Variants in ANXA5 observed in about 807,000 individuals in gnomAD.
ANXA5 encodes CBP-I.
A neutral mutation model predicts 48.1 loss-of-function variants in ANXA5; 40 were observed. That is an observed-to-expected ratio of 0.83 (90% confidence interval 0.65 to 1.08). The LOEUF is 1.08. Among genes scored for constraint, ANXA5 ranks in the 50% least tolerant of loss-of-function variants. The probability of loss-of-function intolerance (pLI) is 0.00; values close to 1 mark genes in which losing one functional copy is unlikely to be tolerated. For synonymous variants in ANXA5, 113 were observed against 129.1 expected, an observed-to-expected ratio of 0.88 and a Z score of 0.85; for missense variants, 357 against 376.8, an observed-to-expected ratio of 0.95 and a Z score of 0.44.
chr4:121,692,917 T>A (rs1160141633), intron 2 of ANXA5, among the ~76,000 whole-genome samples: 1 of 152,304 alleles, frequency 6.6e-6, no homozygotes, highest in South Asian at 2.1e-4. Context: ...AATGCATGCA[T>A]GGATGAAAAA....
At chr4:121,684,393 C>T (rs1469180513) in intron 4 of ANXA5, among the ~76,000 whole-genome samples, 1 of 152,134 alleles carries the variant, frequency 6.6e-6, no homozygotes, top group African/African-American at 2.4e-5. Flanking sequence ...CATGTGAATG[C>T]TGAGTGGGAA....
At chr4:121,696,450 G>A in intron 2 of ANXA5, 131 bp downstream of exon 2, 1 of 840,220 alleles carries the variant, frequency 1.2e-6, no homozygotes, top group Non-Finnish European at 1.6e-6. Context: ...AAGAAAAGTG[G>A]AAGCGATGTC....
chr4:121,669,655 T>C lies in ANXA5; in HGVS notation c.850A>G (p.Ile284Val). Residue 284 changes from isoleucine (I) to valine (V), a missense_variant, in exon 12 of 13, where the codon ATC becomes GTC. Coordinates refer to ENST00000296511, the MANE Select transcript of ANXA5 (RefSeq NM_001154.4). ...VSRSEIDLFN[I>V]RKEFRKNFAT... ...AAATTCTTCCTAAACTCCTTCCTGA[T>C]GTTAAACAGATCAATCTCACTCCTG... 1.2e-6 allele frequency: 2 copies of C among 1,613,240 alleles called. No individual in the cohort carries two copies. The highest frequency in any genetic ancestry group is 1.3e-5 in the African/African-American group (1 of 74,812).
intron 6 of ANXA5, among the ~76,000 whole-genome samples, chr4:121,679,821 G>T (rs1182695123): frequency 6.6e-6 from 1 of 152,114 alleles, no homozygotes; most frequent in Non-Finnish European, 1.5e-5. Context: ...TGTACGTTGT[G>T]AAATGATTAC....
chr4:121,671,998 C>T (rs2110479436), intron 9 of ANXA5, among the ~76,000 whole-genome samples: 1 of 152,196 alleles, frequency 6.6e-6, no homozygotes, highest in Middle Eastern at 3.4e-3. Context: ...CTAGAGCAGA[C>T]ATCTTATGAT....
chr4:121,668,674 A>C (rs1173055768), intron 12 of ANXA5, 147 bp from the exon 13 acceptor site: 6 of 671,372 alleles, frequency 8.9e-6, no homozygotes, highest in Non-Finnish European at 1.6e-5. Flanking sequence ...AATGTTATGC[A>C]GGGAGTTTCC....
At chr4:121,681,903 A>G (rs1465947199) in intron 5 of ANXA5, 142 bp from the exon 6 acceptor site, 2 of 572,150 alleles carry the variant, frequency 3.5e-6, no homozygotes, top group Admixed American at 3.3e-5. Flanking sequence ...TATGAGTTCT[A>G]TTAGTTATAG....
chr4:121,668,793 C>T (rs1172811479), intron 12 of ANXA5, among the ~76,000 whole-genome samples: 1 of 151,934 alleles, frequency 6.6e-6, no homozygotes, highest in Non-Finnish European at 1.5e-5. Context: ...GTTTCTATCA[C>T]TTGGTATATA....
chr4:121,674,145 C>T (rs1056668469), intron 8 of ANXA5, among the ~76,000 whole-genome samples: 1 of 143,474 alleles, frequency 7.0e-6, no homozygotes, highest in African/African-American at 2.6e-5. Flanking sequence ...CATGGCACTG[C>T]ACTCCAGCCT....
intron 5 of ANXA5, 139 bp from the exon 6 acceptor site, chr4:121,681,900 T>C (rs1399199057): frequency 3.5e-6 from 2 of 574,920 alleles, no homozygotes; most frequent in Non-Finnish European, 6.1e-6. Context: ...GTATATGAGT[T>C]CTATTAGTTA....
At chr4:121,691,649 G>T (rs1560589939) in intron 2 of ANXA5, among the ~76,000 whole-genome samples, 1 of 152,026 alleles carries the variant, frequency 6.6e-6, no homozygotes, top group Non-Finnish European at 1.5e-5. Context: ...TTTAAGGGTG[G>T]TTCTTCTGAG....
At chr4:121,684,498 T>C (rs1242884329) in intron 4 of ANXA5, among the ~76,000 whole-genome samples, 179 bp downstream of exon 4, 1 of 152,196 alleles carries the variant, frequency 6.6e-6, no homozygotes, top group Non-Finnish European at 1.5e-5. Flanking sequence ...GAGGATAAGC[T>C]GGGTGAGCAC....
chr4:121,688,246 C>G (rs1357823838), intron 2 of ANXA5, among the ~76,000 whole-genome samples: 1 of 152,076 alleles, frequency 6.6e-6, no homozygotes, highest in Non-Finnish European at 1.5e-5. Context: ...TATAAGCCAC[C>G]CAGTCTATAG....
chr4:121,677,955 G>A lies in ANXA5; in HGVS notation c.475-5C>T. The A allele has an allele frequency of 1.9e-6, 3 of 1,612,820 alleles. No individual in the cohort carries two copies. The highest frequency in any genetic ancestry group is 2.5e-6 in the Non-Finnish European group (3 of 1,178,956). Reference sequence around the variant, plus strand: ...AGCATCAGGGTCTCTGTTAGCCTATGAGAGGTAATATGTCACATTACTGAA... The same window carrying A: ...AGCATCAGGGTCTCTGTTAGCCTATAAGAGGTAATATGTCACATTACTGAA... On this transcript the variant is annotated splice_polypyrimidine_tract_variant and splice_region_variant and intron_variant, in intron 7 of 12. Transcript: ENST00000296511.
intron 5 of ANXA5, among the ~76,000 whole-genome samples, chr4:121,682,431 A>T (rs538176270): frequency 1.1e-3 from 172 of 152,172 alleles, no homozygotes; most frequent in African/African-American, 4.0e-3. Flanking sequence ...AATTTTTTTT[A>T]AAAGATAGTA....
intron 8 of ANXA5, among the ~76,000 whole-genome samples, chr4:121,676,470 T>C (rs2110481787): frequency 6.6e-6 from 1 of 152,226 alleles, no homozygotes; most frequent in Middle Eastern, 3.4e-3. Context: ...GTGGAAGCCA[T>C]GGGTTTGTTT....
In ANXA5 at chr4:121,678,514, T is replaced by A; in HGVS notation, c.395-20A>T. 1 of 1,587,218 alleles carries A rather than the reference T, an allele frequency of 6.3e-7. No individual in the cohort carries two copies. Among genetic ancestry groups the A allele is most frequent in the Admixed American group, 1.7e-5 (1 of 59,266 alleles). The stretch of plus-strand genomic sequence containing the variant: ...CATATTCTGCAACAAAATAATTTCA[T>A]ACTTATTTACATCTTCTTTCAACTA... On this transcript the variant is annotated intron_variant, in intron 6 of 12. Coordinates refer to ENST00000296511, the MANE Select transcript of ANXA5 (RefSeq NM_001154.4).
intron 2 of ANXA5, among the ~76,000 whole-genome samples, chr4:121,690,697 A>G (rs1464835904): frequency 6.6e-6 from 1 of 152,220 alleles, no homozygotes; most frequent in African/African-American, 2.4e-5. Context: ...TAAAGAAAAA[A>G]GATATCTGAC....
rs1396841124 is a variant in ANXA5, at chr4:121,683,409, T to A, written c.258A>T (p.Lys86Asn). The A allele has an allele frequency of 1.2e-6, 2 of 1,610,262 alleles. No homozygotes were observed. The highest frequency in any genetic ancestry group is 2.7e-5 in the African/African-American group (2 of 74,742). ...CATAAGCATCATAAAGCCGAGAGGGTTTCATCAGAGCCACAATTAATTTTT... is the reference window on the plus strand; with the variant it reads ...CATAAGCATCATAAAGCCGAGAGGGATTCATCAGAGCCACAATTAATTTTT... ...KFEKLIVALM[K>N]PSRLYDAYEL... is the part of the protein sequence containing the mutation. Residue 86 changes from lysine (K) to asparagine (N), a missense_variant, in exon 5 of 13, where the codon AAA becomes AAT. Coordinates refer to ENST00000296511, the MANE Select transcript of ANXA5 (RefSeq NM_001154.4).
Sources: gnomAD v4.1 joint callset for allele counts (sites outside exome capture counted in the v4.1 genomes callset) on GRCh38, gnomAD v4.1.1 for gene constraint, MANE v1.5 for transcripts, NCBI Gene and HGNC (gene_info 2026-07-23, HGNC 2026-07-21) for gene names.